The following GPC5 variants were observed in gnomAD, a reference collection of about 807,000 sequenced individuals.
GPC5 encodes glypican-5.
GPC5 carries 47 observed loss-of-function variants against 53.9 expected under a neutral mutation model. That is an observed-to-expected ratio of 0.87 (90% CI 0.69 to 1.11). GPC5 has a LOEUF of 1.11. GPC5 is among the 50% of genes most tolerant of loss of function. The pLI is 0.00. For synonymous variants in GPC5, 286 were observed against 263.3 expected, an observed-to-expected ratio of 1.09 and a Z score of -0.84; for missense variants, 748 against 713.1, an observed-to-expected ratio of 1.05 and a Z score of -0.56.
Position 91,917,521 on chromosome 13 carries a change from A to G in GPC5, c.1401+9464A>G, listed in dbSNP as rs535001743. Among the ~76,000 whole-genome samples, 59 of 152,300 alleles carry G rather than the reference A, an allele frequency of 3.9e-4. 1 individual carries two copies. Among genetic ancestry groups the G allele is most frequent in the African/African-American group, 1.4e-3 (58 of 41,570 alleles). On this transcript the variant is annotated intron_variant, in intron 6 of 7. Transcript: ENST00000377067. ...ACAATGGCTGTCTTCTCACAGCTCCACTAGTCAGTGCCCCAGAGGAGATTC... is the reference window on the plus strand; with the variant it reads ...ACAATGGCTGTCTTCTCACAGCTCCGCTAGTCAGTGCCCCAGAGGAGATTC...
At chr13:91,912,049 G>A (rs2039615112) in intron 6 of GPC5, among the ~76,000 whole-genome samples, 1 of 152,144 alleles carries the variant, frequency 6.6e-6, no homozygotes, top group Non-Finnish European at 1.5e-5. Context: ...CCCTGAGATT[G>A]TATAAAGTTG....
chr13:91,612,488 G>A (rs2139317965), intron 2 of GPC5, among the ~76,000 whole-genome samples: 1 of 152,262 alleles, frequency 6.6e-6, no homozygotes, highest in South Asian at 2.1e-4. Flanking sequence ...GAGCAGATAT[G>A]AAGAAAGAAA....
chr13:92,515,251 C>T (rs1177576880), intron 7 of GPC5, among the ~76,000 whole-genome samples: 1 of 152,108 alleles, frequency 6.6e-6, no homozygotes, highest in Non-Finnish European at 1.5e-5. Flanking sequence ...ATAATCCTTA[C>T]CCCCAAAGAA....
intron 2 of GPC5, among the ~76,000 whole-genome samples, chr13:91,573,293 G>A (rs1367255290): frequency 1.3e-5 from 2 of 152,076 alleles, no homozygotes; most frequent in African/African-American, 4.8e-5. Flanking sequence ...CATTTGCCTG[G>A]GTCACATTTA....
intron 7 of GPC5, among the ~76,000 whole-genome samples, chr13:92,297,106 C>G (rs1429763648): frequency 2.0e-5 from 3 of 152,258 alleles, no homozygotes; most frequent in Admixed American, 6.5e-5. Context: ...GCGGGATCCA[C>G]TAGGTGAAGC....
At chr13:92,427,955 A>T (rs1876908634) in intron 7 of GPC5, among the ~76,000 whole-genome samples, 1 of 152,156 alleles carries the variant, frequency 6.6e-6, no homozygotes, top group Non-Finnish European at 1.5e-5. Context: ...TTTCAAGACA[A>T]AATAATAATG....
At chr13:91,870,268 A>G (rs2039129802) in intron 5 of GPC5, among the ~76,000 whole-genome samples, 1 of 152,150 alleles carries the variant, frequency 6.6e-6, no homozygotes, top group African/African-American at 2.4e-5. Context: ...GAACAAGAGA[A>G]TGGTTTGTTA....
At chr13:91,931,198 T>C (rs1178469411) in intron 6 of GPC5, among the ~76,000 whole-genome samples, 4 of 152,072 alleles carry the variant, frequency 2.6e-5, no homozygotes, top group Non-Finnish European at 4.4e-5. Flanking sequence ...TTTCCACTTC[T>C]GAGGCATTCC....
intron 2 of GPC5, among the ~76,000 whole-genome samples, chr13:91,625,882 A>G (rs9301742): frequency 0.87 from 131,534 of 152,056 alleles, 57,042 homozygotes; most frequent in East Asian, 0.99. Context: ...TTAAATATTC[A>G]TTTTCCTCAC....
chr13:91,982,387 A>G (rs916530007), intron 6 of GPC5, among the ~76,000 whole-genome samples: 1 of 152,238 alleles, frequency 6.6e-6, no homozygotes, highest in Non-Finnish European at 1.5e-5. Context: ...CTAATGGTTA[A>G]TTAAATGATG....
chr13:91,680,939 A>G (rs1214810653), intron 2 of GPC5, among the ~76,000 whole-genome samples: 3 of 152,192 alleles, frequency 2.0e-5, no homozygotes, highest in Non-Finnish European at 2.9e-5. Flanking sequence ...GTAATCTAGT[A>G]TCATTATGTT....
intron 7 of GPC5, among the ~76,000 whole-genome samples, chr13:92,856,255 C>G (rs1878994918): frequency 6.6e-6 from 1 of 151,988 alleles, no homozygotes; most frequent in South Asian, 2.1e-4. Context: ...AATAAAAGCA[C>G]ATAGTTATCT....
At chr13:91,614,870 T>C (rs1273393143) in intron 2 of GPC5, among the ~76,000 whole-genome samples, 2 of 152,206 alleles carry the variant, frequency 1.3e-5, no homozygotes, top group African/African-American at 2.4e-5. Context: ...GACTGAAGAA[T>C]AGGCATGTCC....
intron 2 of GPC5, among the ~76,000 whole-genome samples, chr13:91,461,137 CT>C (rs1423850436): frequency 6.6e-6 from 1 of 152,044 alleles, no homozygotes; most frequent in African/African-American, 2.4e-5. Context: ...GTAATGCTGC[CT>C]ATGGGCTAAC....
intron 7 of GPC5, among the ~76,000 whole-genome samples, chr13:92,155,805 T>A (rs935982518): frequency 6.6e-6 from 1 of 152,160 alleles, no homozygotes; most frequent in Non-Finnish European, 1.5e-5. Context: ...AATTCTAGTT[T>A]ATTTCTTTGT....
intron 7 of GPC5, among the ~76,000 whole-genome samples, chr13:92,145,538 A>C (rs2041861026): frequency 6.6e-6 from 1 of 152,108 alleles, no homozygotes; most frequent in African/African-American, 2.4e-5. Context: ...AAACCATTTC[A>C]GAACTCATCG....
At chr13:92,191,007 A>G (rs550334082) in intron 7 of GPC5, among the ~76,000 whole-genome samples, 2 of 152,300 alleles carry the variant, frequency 1.3e-5, no homozygotes, top group South Asian at 2.1e-4. Flanking sequence ...CATGTAGATT[A>G]AAGCAAAAGG....
chr13:92,620,271 G>T (rs557804614), intron 7 of GPC5, among the ~76,000 whole-genome samples: 16 of 152,028 alleles, frequency 1.1e-4, no homozygotes, highest in African/African-American at 3.9e-4. Context: ...ACAAAGAAAA[G>T]AATAAAGAAA....
intron 7 of GPC5, among the ~76,000 whole-genome samples, chr13:92,266,845 G>T (rs1478733782): frequency 6.6e-6 from 1 of 151,752 alleles, no homozygotes; most frequent in Non-Finnish European, 1.5e-5. Context: ...AAACATCAGT[G>T]ACCAGACATC....
Sources: allele counts gnomAD v4.1 joint callset (sites outside exome capture counted in the v4.1 genomes callset), GRCh38; gene constraint gnomAD v4.1.1; transcripts MANE v1.5; gene names NCBI Gene and HGNC (gene_info 2026-07-23, HGNC 2026-07-21).